Variants in SPDYA observed in about 807,000 individuals in gnomAD.
The protein encoded by SPDYA is speedy protein A.
A neutral mutation model predicts 36.7 loss-of-function variants in SPDYA; 11 were observed. The ratio of observed to expected loss-of-function variants is 0.30; its 90% CI spans 0.19 to 0.50. SPDYA has a LOEUF of 0.50. Ranked by LOEUF, SPDYA falls within the 20% of genes least tolerant of loss-of-function variation. The probability of loss-of-function intolerance (pLI) is 0.98; values close to 1 mark genes in which losing one functional copy is unlikely to be tolerated. For missense variants in SPDYA, 287 were observed against 370.9 expected (o/e 0.77, Z 1.86); for synonymous variants, 115 against 118.7 (o/e 0.97, Z 0.20).
rs1391512924 is a variant in SPDYA, at chr2:28,811,324, T to A, written c.-93+377T>A. The A allele has an allele frequency of 1.3e-5, 2 of 152,294 alleles. No individual in the cohort carries two copies. The highest frequency in any genetic ancestry group is 2.9e-5 in the Non-Finnish European group (2 of 68,108). 9.4% of individuals were successfully genotyped at this position (152,294 alleles called of 1,614,324 possible). A position where few individuals can be genotyped will look rare whatever the true frequency, so the allele number is the denominator to read the frequency against. On this transcript the variant is annotated intron_variant, in intron 1 of 7. Transcript: ENST00000334056. The surrounding 1 kb of genome is among the most constrained non-coding windows in gnomAD (Gnocchi z 4.2). Reference sequence around the variant, plus strand: ...CGGAGGGAGGGCCCTGGGCAGGCGCTCCCGTCTCCACGTGTGCCTGCCGCC... The same window carrying A: ...CGGAGGGAGGGCCCTGGGCAGGCGCACCCGTCTCCACGTGTGCCTGCCGCC...
chr2:28,844,824 T>G (rs980277713), intron 7 of SPDYA, among the ~76,000 whole-genome samples: 1 of 151,776 alleles, frequency 6.6e-6, no homozygotes, highest in African/African-American at 2.4e-5. Flanking sequence ...TCCCAGCTAC[T>G]CGGGAGGCTG....
In SPDYA at chr2:28,819,021, A is replaced by T. The variant is rs958704238; in HGVS notation, c.236-27A>T. ...AAAGGAAACATTCTGTTTTTAAAAG[A>T]CAAGTTATAGCTATCTTTTGTTGTA... On this transcript the variant is annotated intron_variant, in intron 3 of 7. Transcript: ENST00000334056. 1.7e-5 allele frequency: 26 copies of T among 1,565,646 alleles called. No individual in the cohort carries two copies. The Admixed American group carries it at 1.7e-4, about 10-fold the overall frequency.
At chr2:28,822,280 T>G (rs1668187823) in intron 4 of SPDYA, 45 bp from the exon 5 acceptor site, 4 of 940,186 alleles carry the variant, frequency 4.3e-6, no homozygotes, top group Admixed American at 5.6e-5. Context: ...GTTTTATTTA[T>G]GAAAGCAAAA....
rs144501479 is a variant in SPDYA at position 28,850,230 on chromosome 2, T to C, written c.*289T>C. The C allele has an allele frequency of 1.2e-6, 2 of 1,611,942 alleles. No individual in the cohort carries two copies. Among genetic ancestry groups the C allele is most frequent in the Admixed American group, 1.7e-5 (1 of 59,958 alleles). ...AAGTTGTGGTTTGACCTTCCTCAAC[T>C]TGACAAGAAAAGCTAATTTAAGAGA... On this transcript the variant is annotated 3_prime_UTR_variant, in exon 8 of 8. Coordinates refer to ENST00000334056, the MANE Select transcript of SPDYA (RefSeq NM_182756.4).
intron 5 of SPDYA, among the ~76,000 whole-genome samples, chr2:28,826,949 C>CTTTT (rs1309143694): frequency 1.7e-4 from 19 of 113,796 alleles, no homozygotes; most frequent in South Asian, 2.9e-4. Context: ...TCTTTTCTTT[C>CTTTT]TTTTTTTTTT....
chr2:28,829,015 T>C, intron 5 of SPDYA, 133 bp from the exon 6 acceptor site: 1 of 673,000 alleles, frequency 1.5e-6, no homozygotes, highest in Non-Finnish European at 2.4e-6. Context: ...TCTCTATTTT[T>C]GAACTGCATT....
At position 28,827,801 on chromosome 2, in the gene SPDYA, T is replaced by A. The variant is rs142362594; in HGVS notation, c.381-1347T>A. 1.3e-3 allele frequency among the ~76,000 whole-genome samples: 204 copies of A among 152,310 alleles called. 1 individual carries two copies. The highest frequency in any genetic ancestry group is 2.4e-3 in the Non-Finnish European group (160 of 68,030). On this transcript the variant is annotated intron_variant, in intron 5 of 7. Coordinates refer to ENST00000334056, the MANE Select transcript of SPDYA (RefSeq NM_182756.4). Reference sequence around the variant, plus strand: ...ATAGTTTTTATTAAATTTCAAAAACTTTCAGCTGTTACTCCTTCAAATGTC... The same window carrying A: ...ATAGTTTTTATTAAATTTCAAAAACATTCAGCTGTTACTCCTTCAAATGTC...
At chr2:28,837,549 TTTTAAGAAC>T (rs1218491429) in intron 6 of SPDYA, among the ~76,000 whole-genome samples, 2 of 152,172 alleles carry the variant, frequency 1.3e-5, no homozygotes, top group African/African-American at 4.8e-5. Context: ...TATTAATACT[TTTTAAGAAC>T]TTTCCAGGCA....
rs1183926297 is a variant in SPDYA, at chr2:28,811,764, G to A, written c.-93+817G>A. 5.9e-5 allele frequency among the ~76,000 whole-genome samples: 9 copies of A among 151,924 alleles called. No homozygotes were observed. Among genetic ancestry groups the A allele is most frequent in the Admixed American group, 5.2e-4 (8 of 15,264 alleles). ...TTGAACCCTGGAAGCGGAGGTTGCA[G>A]TGAGCTAAAACCCGTCTCTACAAAA... On this transcript the variant is annotated intron_variant, in intron 1 of 7. Coordinates refer to ENST00000334056, the MANE Select transcript of SPDYA (RefSeq NM_182756.4). The surrounding 1 kb of genome is among the most constrained non-coding windows in gnomAD (Gnocchi z 4.2).
At position 28,850,259 on chromosome 2, in the gene SPDYA, A is replaced by G; in HGVS notation, c.*318A>G. On this transcript the variant is annotated 3_prime_UTR_variant, in exon 8 of 8. Transcript: ENST00000334056. ...CAAGAAAAGCTAATTTAAGAGAAGA[A>G]AAACATAAAGTCATTATATTAATTA... The G allele has an allele frequency of 2.5e-6, 4 of 1,609,806 alleles. No homozygotes were observed. The highest frequency in any genetic ancestry group is 3.4e-6 in the Non-Finnish European group (4 of 1,177,514).
intron 7 of SPDYA, among the ~76,000 whole-genome samples, chr2:28,846,175 C>T (rs556398989): frequency 2.3e-3 from 350 of 152,162 alleles, no homozygotes; most frequent in African/African-American, 7.9e-3. Flanking sequence ...GAGGCTGAAG[C>T]GGGCAGATCA....
intron 4 of SPDYA, 86 bp downstream of exon 4, chr2:28,819,192 C>T: frequency 9.8e-7 from 1 of 1,025,506 alleles, no homozygotes; most frequent in Non-Finnish European, 1.5e-6. Context: ...TAAGAATTTT[C>T]TATCTTATTA....
At chr2:28,841,909 T>G (rs142917134) in intron 7 of SPDYA, 121 of 152,310 alleles carry the variant, frequency 7.9e-4, no homozygotes, top group African/African-American at 2.6e-3. Flanking sequence ...CCAGCTTCCT[T>G]TACTCTTTGA....
intron 7 of SPDYA, among the ~76,000 whole-genome samples, chr2:28,841,095 C>A (rs550316773): frequency 2.6e-5 from 4 of 152,042 alleles, no homozygotes; most frequent in African/African-American, 9.6e-5. Flanking sequence ...CCACCATGCC[C>A]AGATAGTTTT....
rs373957713 is a variant in SPDYA, at chr2:28,840,298, G to A, written c.679G>A (p.Asp227Asn). The A allele has an allele frequency of 5.0e-6, 8 of 1,612,816 alleles. No homozygotes were observed. Among genetic ancestry groups the A allele is most frequent in the Non-Finnish European group, 6.8e-6 (8 of 1,179,588 alleles). ...LPRGPSATPV[D>N]CSLCGKKRRY... ...CCGGGGACCTAGTGCCACACCAGTA[G>A]ATTGTTCACTCTGTGGTAAAAAAAG... The change falls in exon 7 of 8, where the codon GAT (aspartate) becomes AAT (asparagine). Residue 227 changes from aspartate (D) to asparagine (N), a missense_variant. Coordinates refer to ENST00000334056, the MANE Select transcript of SPDYA (RefSeq NM_182756.4).
chr2:28,829,350 A>G (rs1648154214), intron 6 of SPDYA, 31 bp downstream of exon 6: 1 of 1,568,994 alleles, frequency 6.4e-7, no homozygotes, highest in African/African-American at 1.4e-5. Context: ...TATATATGTA[A>G]TCTTTGTTTT....
At chr2:28,819,692 A>G (rs1420556221) in intron 4 of SPDYA, among the ~76,000 whole-genome samples, 1 of 150,684 alleles carries the variant, frequency 6.6e-6, no homozygotes, top group African/African-American at 2.4e-5. Flanking sequence ...TTGATTGAAA[A>G]CAGAAATCAA....
intron 5 of SPDYA, among the ~76,000 whole-genome samples, chr2:28,825,266 A>G (rs1408023401): frequency 6.6e-6 from 1 of 152,084 alleles, no homozygotes. Context: ...AGAATTAAAA[A>G]CAAACCAAAA....
At chr2:28,836,747 TA>T (rs1668615618) in intron 6 of SPDYA, among the ~76,000 whole-genome samples, 1 of 152,192 alleles carries the variant, frequency 6.6e-6, no homozygotes, top group African/African-American at 2.4e-5. Flanking sequence ...AATTGGAAAA[TA>T]TATATAGGGC....
Sources: allele counts gnomAD v4.1 joint callset (sites outside exome capture counted in the v4.1 genomes callset), GRCh38; gene constraint gnomAD v4.1.1; non-coding constraint Gnocchi (gnomAD v3.1); transcripts MANE v1.5; gene names NCBI Gene and HGNC (gene_info 2026-07-23, HGNC 2026-07-21).